LRRC2: variants seen among roughly 807,000 people sequenced by gnomAD.
LRRC2 encodes leucine-rich repeat-containing protein 2.
Under a neutral mutation model 40.2 loss-of-function variants are expected in LRRC2, and 27 were observed. The ratio of observed to expected loss-of-function variants is 0.67; its 90% CI spans 0.49 to 0.93. The LOEUF (loss-of-function observed/expected upper bound fraction) is 0.93, where lower values mean the gene tolerates loss of function less well. Ranked by LOEUF, LRRC2 falls within the 40% of genes least tolerant of loss-of-function variation. The probability of loss-of-function intolerance (pLI) is 0.00; values close to 1 mark genes in which losing one functional copy is unlikely to be tolerated. For synonymous variants in LRRC2, 147 were observed against 158.9 expected, an observed-to-expected ratio of 0.92 and a Z score of 0.56; for missense variants, 402 against 439.6, an observed-to-expected ratio of 0.91 and a Z score of 0.76.
Position 46,515,916 on chromosome 3 carries a change from T to C in LRRC2, c.*3098A>G, listed in dbSNP as rs973218605. On this transcript the variant is annotated 3_prime_UTR_variant, in exon 9 of 9. Coordinates refer to ENST00000395905, the MANE Select transcript of LRRC2 (RefSeq NM_024512.5). ...GTAACTATTTAAGATTCAACGAAGG[T>C]GATTTCTCATTTTCCTACTCTTTTC... 2.6e-5 allele frequency: 4 copies of C among 151,292 alleles called. No homozygotes were observed. Among genetic ancestry groups the C allele is most frequent in the Non-Finnish European group, 4.4e-5 (3 of 67,884 alleles). 9.4% of individuals were successfully genotyped at this position (151,292 alleles called of 1,614,324 possible). A position where few individuals can be genotyped will look rare whatever the true frequency, so the allele number is the denominator to read the frequency against.
intron 3 of LRRC2, among the ~76,000 whole-genome samples, chr3:46,542,048 T>A (rs1313059391): frequency 6.6e-6 from 1 of 152,064 alleles, no homozygotes; most frequent in Non-Finnish European, 1.5e-5. Flanking sequence ...ACCAGTGAGA[T>A]GGGGACTTTA....
intron 1 of LRRC2, among the ~76,000 whole-genome samples, chr3:46,562,499 A>G (rs1240770262): frequency 1.3e-5 from 2 of 152,242 alleles, no homozygotes; most frequent in East Asian, 1.9e-4. Flanking sequence ...TAAATAACCA[A>G]GACAGTGGAT....
chr3:46,552,502 A>T (rs1164960289), intron 1 of LRRC2, among the ~76,000 whole-genome samples: 2 of 152,130 alleles, frequency 1.3e-5, no homozygotes, highest in Non-Finnish European at 2.9e-5. Flanking sequence ...AGTATAGGAC[A>T]TGAGGCACGT....
intron 8 of LRRC2, 139 bp from the exon 9 acceptor site, chr3:46,519,202 A>C: frequency 4.5e-6 from 3 of 664,628 alleles, no homozygotes; most frequent in Non-Finnish European, 8.1e-6. Flanking sequence ...GAGATACTGT[A>C]TAGGTGATAA....
intron 6 of LRRC2, among the ~76,000 whole-genome samples, chr3:46,527,974 C>T (rs1446208939): frequency 6.6e-6 from 1 of 152,138 alleles, no homozygotes; most frequent in Non-Finnish European, 1.5e-5. Context: ...AGCAGTCTGC[C>T]CACCTCAGCC....
intron 7 of LRRC2, 111 bp downstream of exon 7, chr3:46,527,315 C>CA (rs1450099910): frequency 8.7e-7 from 1 of 1,143,028 alleles, no homozygotes; most frequent in African/African-American, 1.6e-5. Context: ...ATCAGGTTCT[C>CA]AGAGTACGAG....
intron 8 of LRRC2, among the ~76,000 whole-genome samples, chr3:46,520,311 C>A (rs1411621973): frequency 1.3e-5 from 2 of 151,370 alleles, no homozygotes; most frequent in East Asian, 1.9e-4. Flanking sequence ...TACATAATAG[C>A]ACTACAATAT....
intron 4 of LRRC2, among the ~76,000 whole-genome samples, chr3:46,537,106 C>T (rs1055712259): frequency 6.6e-6 from 1 of 152,126 alleles, no homozygotes; most frequent in Admixed American, 6.5e-5. Context: ...AAGGACAGAA[C>T]CTTTCTACTT....
At chr3:46,530,296 C>A (rs937014783) in intron 5 of LRRC2, among the ~76,000 whole-genome samples, 3 of 152,080 alleles carry the variant, frequency 2.0e-5, no homozygotes, top group African/African-American at 7.2e-5. Flanking sequence ...ATTATCAGTG[C>A]AAGCTGGGCG....
chr3:46,534,987 T>C (rs1017436864), intron 4 of LRRC2, among the ~76,000 whole-genome samples: 4 of 152,234 alleles, frequency 2.6e-5, no homozygotes, highest in Non-Finnish European at 5.9e-5. Flanking sequence ...TATCTGCTCC[T>C]CTAGGAGAGA....
intron 5 of LRRC2, among the ~76,000 whole-genome samples, chr3:46,530,811 C>G (rs112255031): frequency 1.1e-4 from 17 of 152,284 alleles, no homozygotes; most frequent in African/African-American, 3.9e-4. Flanking sequence ...CCCACCAGGT[C>G]CCTCCCACAA....
chr3:46,558,601 T>TTA (rs1240006900), intron 1 of LRRC2: 2 of 152,260 alleles, frequency 1.3e-5, no homozygotes, highest in East Asian at 1.9e-4. Flanking sequence ...AGGAACAAAC[T>TTA]TACGGAGCTG....
chr3:46,554,114 G>A (rs550890754), intron 1 of LRRC2, among the ~76,000 whole-genome samples: 1 of 152,042 alleles, frequency 6.6e-6, no homozygotes, highest in Non-Finnish European at 1.5e-5. Context: ...CAACCTCCCA[G>A]GCTCAAGCAT....
At position 46,517,989 on chromosome 3, in the gene LRRC2, G is replaced by A. The variant is rs1415721819; in HGVS notation, c.*1025C>T. The A allele has an allele frequency of 1.8e-4, 27 of 152,436 alleles. No homozygotes were observed. In the East Asian group the frequency reaches 4.0e-3, roughly 23 times the overall value. 9.4% of individuals were successfully genotyped at this position (152,436 alleles called of 1,614,324 possible). On this transcript the variant is annotated 3_prime_UTR_variant, in exon 9 of 9. Coordinates refer to ENST00000395905, the MANE Select transcript of LRRC2 (RefSeq NM_024512.5). ...GGGCGTTGCCTTTGCTCTTTACTGA[G>A]GTGTGTCCCAGGACCCCCAGGGTGA... is the stretch of plus-strand genomic sequence containing the variant.
At chr3:46,555,979 CT>C (rs1195438339) in intron 1 of LRRC2, among the ~76,000 whole-genome samples, 1 of 152,138 alleles carries the variant, frequency 6.6e-6, no homozygotes, top group African/African-American at 2.4e-5. Context: ...GCAATCTTTT[CT>C]TTTTTATTAA....
rs1559415727 is a variant in LRRC2 at position 46,543,656 on chromosome 3, T to TAATAAA, written c.333+1389_333+1390insTTTATT. Among the ~76,000 whole-genome samples, 69 of 102,364 alleles carry TAATAAA rather than the reference T, an allele frequency of 6.7e-4. 1 individual carries two copies. The South Asian group carries it at 0.022, about 33-fold the overall frequency. 67.2% of individuals were successfully genotyped at this position (102,364 alleles called of 152,430 possible). On this transcript the variant is annotated intron_variant, in intron 3 of 8. Coordinates refer to ENST00000395905, the MANE Select transcript of LRRC2 (RefSeq NM_024512.5). Reference sequence around the variant, plus strand: ...TAATAATAATAATAATAATAAATAATAAATACCCTTTACAATGATTTTCAA... The same window carrying TAATAAA: ...TAATAATAATAATAATAATAAATAATAATAAAAAATACCCTTTACAATGATTTTCAA...
intron 3 of LRRC2, among the ~76,000 whole-genome samples, chr3:46,541,296 G>T (rs1704384785): frequency 6.9e-6 from 1 of 144,856 alleles, no homozygotes; most frequent in Admixed American, 7.0e-5. Flanking sequence ...ATATGCCACT[G>T]CACTCCAGCC....
At chr3:46,550,375 A>AT (rs1704616240) in intron 2 of LRRC2, among the ~76,000 whole-genome samples, 1 of 129,636 alleles carries the variant, frequency 7.7e-6, no homozygotes, top group African/African-American at 3.0e-5. Context: ...CACCTTACAC[A>AT]TCTTTTTTTT....
intron 1 of LRRC2, among the ~76,000 whole-genome samples, 173 bp from the exon 2 acceptor site, chr3:46,551,783 T>C (rs1314207490): frequency 6.8e-6 from 1 of 146,862 alleles, no homozygotes; most frequent in African/African-American, 2.5e-5. Flanking sequence ...TTAGCTTGTT[T>C]GGCTGGTTGG....
Sources: gnomAD v4.1 joint callset for allele counts (sites outside exome capture counted in the v4.1 genomes callset) on GRCh38, gnomAD v4.1.1 for gene constraint, MANE v1.5 for transcripts, NCBI Gene and HGNC (gene_info 2026-07-23, HGNC 2026-07-21) for gene names.